UNC5B: variants seen among roughly 807,000 people sequenced by gnomAD.
UNC5B encodes netrin receptor UNC5B.
A neutral mutation model predicts 103.7 loss-of-function variants in UNC5B; 56 were observed. The ratio of observed to expected loss-of-function variants is 0.54; its 90% CI spans 0.44 to 0.67. The LOEUF (loss-of-function observed/expected upper bound fraction) is 0.67. Among genes scored for constraint, UNC5B ranks in the 30% least tolerant of loss-of-function variants. UNC5B has a pLI of 0.00. For missense variants in UNC5B, 1,194 were observed against 1,284.5 expected (o/e 0.93, Z 1.08); for synonymous variants, 577 against 542.0 (o/e 1.06, Z -0.90).
At chr10:71,229,537 G>A (rs575521228) in intron 1 of UNC5B, among the ~76,000 whole-genome samples, 3 of 152,314 alleles carry the variant, frequency 2.0e-5, no homozygotes, top group East Asian at 3.9e-4. Context: ...GAAAGGGGTC[G>A]CTGGAAGCGT....
chr10:71,245,260 A>T (rs545921769), intron 1 of UNC5B, among the ~76,000 whole-genome samples: 11 of 152,282 alleles, frequency 7.2e-5, no homozygotes, highest in African/African-American at 2.6e-4. Context: ...CATCACCTGG[A>T]AGCTTGTTAG....
At chr10:71,281,583 C>G (rs759627183) in intron 2 of UNC5B, among the ~76,000 whole-genome samples, 50 of 152,178 alleles carry the variant, frequency 3.3e-4, no homozygotes, top group Non-Finnish European at 6.5e-4. Flanking sequence ...CTCGTGATCC[C>G]CCGGCCTTGG....
chr10:71,243,992 G>A (rs1359852533), intron 1 of UNC5B, among the ~76,000 whole-genome samples: 3 of 152,244 alleles, frequency 2.0e-5, no homozygotes, highest in Non-Finnish European at 4.4e-5. Context: ...GTGTGTGGTA[G>A]TGCCAGGATC....
At chr10:71,236,843 C>T (rs748508546) in intron 1 of UNC5B, among the ~76,000 whole-genome samples, 1 of 152,230 alleles carries the variant, frequency 6.6e-6, no homozygotes, top group Non-Finnish European at 1.5e-5. Context: ...TTATCATTCC[C>T]TTCTCTGTGC....
rs1843271068 is a variant in UNC5B at position 71,213,571 on chromosome 10, T to C, written c.79+507T>C. Among the ~76,000 whole-genome samples, 1 of 152,036 alleles carries C rather than the reference T, an allele frequency of 6.6e-6. No individual in the cohort carries two copies. The highest frequency in any genetic ancestry group is 1.5e-5 in the Non-Finnish European group (1 of 68,002). On this transcript the variant is annotated intron_variant, in intron 1 of 16. Coordinates refer to ENST00000335350, the MANE Select transcript of UNC5B (RefSeq NM_170744.5). The surrounding 1 kb of genome is among the most constrained non-coding windows in gnomAD (Gnocchi z 4.1). ...AAGACCTGCTGAACACAGGAAGCGCTTCGGTAGCCTCGGCAGGCCGGCTTG... is the reference window on the plus strand; with the variant it reads ...AAGACCTGCTGAACACAGGAAGCGCCTCGGTAGCCTCGGCAGGCCGGCTTG...
chr10:71,247,213 G>A (rs945604225), intron 1 of UNC5B, among the ~76,000 whole-genome samples: 3 of 152,210 alleles, frequency 2.0e-5, no homozygotes, highest in Non-Finnish European at 4.4e-5. Context: ...GATAGTAAAG[G>A]CCTATCCCTG....
Position 71,299,469 on chromosome 10 carries a change from G to A in UNC5B, c.*192G>A, listed in dbSNP as rs1187471137. 6.2e-6 allele frequency: 4 copies of A among 641,880 alleles called. No homozygotes were observed. Among genetic ancestry groups the A allele is most frequent in the Non-Finnish European group, 1.0e-5 (4 of 384,596 alleles). The allele number at this position is 641,880 out of a possible 1,614,324, so 39.8% of individuals were successfully genotyped here. On this transcript the variant is annotated 3_prime_UTR_variant, in exon 17 of 17. Transcript: ENST00000335350. Reference sequence around the variant, plus strand: ...AATCCATGTACTCTGTTGTTAGAGGGCCCAGAGTTCCTTCTCCACCCCCGC... The same window carrying A: ...AATCCATGTACTCTGTTGTTAGAGGACCCAGAGTTCCTTCTCCACCCCCGC...
At chr10:71,286,641 T>C (rs1845090017) in intron 4 of UNC5B, 48 bp from the exon 5 acceptor site, 2 of 1,606,048 alleles carry the variant, frequency 1.2e-6, no homozygotes, top group South Asian at 1.1e-5. Context: ...CTGTTTATGA[T>C]CAAACCTGTC....
intron 1 of UNC5B, among the ~76,000 whole-genome samples, chr10:71,227,705 T>TAC (rs1457951155): frequency 0.011 from 1,369 of 120,644 alleles, 23 homozygotes; most frequent in African/African-American, 0.036. Flanking sequence ...TATACACACA[T>TAC]ATACACACAC....
intron 1 of UNC5B, among the ~76,000 whole-genome samples, chr10:71,262,273 AAGG>A (rs368164351): frequency 2.0e-5 from 3 of 151,916 alleles, no homozygotes; most frequent in Admixed American, 6.6e-5. Context: ...CGGAGCCTGG[AAGG>A]AGGACTCTAA....
At chr10:71,231,662 A>G (rs201553666) in intron 1 of UNC5B, among the ~76,000 whole-genome samples, 1 of 151,612 alleles carries the variant, frequency 6.6e-6, no homozygotes, top group South Asian at 2.1e-4. Flanking sequence ...TTTTTTTTTA[A>G]TGCACATGCC....
chr10:71,236,767 G>A (rs1042809340), intron 1 of UNC5B, among the ~76,000 whole-genome samples: 1 of 152,202 alleles, frequency 6.6e-6, no homozygotes, highest in African/African-American at 2.4e-5. Context: ...GAATGGATGG[G>A]GAGGTCCAGT....
At chr10:71,270,016 C>T (rs2132289676) in intron 1 of UNC5B, among the ~76,000 whole-genome samples, 1 of 152,174 alleles carries the variant, frequency 6.6e-6, no homozygotes, top group East Asian at 1.9e-4. Context: ...AAGGCATGTC[C>T]CAGGAAAACA....
chr10:71,287,634 C>T lies in UNC5B; in HGVS notation c.770C>T (p.Pro257Leu). Residue 257 changes from proline (P) to leucine (L), a missense_variant, in exon 6 of 17, where the codon CCC becomes CTC. Physicochemically the swap from Pro to Leu is moderately conservative, Grantham distance 98. Transcript: ENST00000335350. ...GGWSSWAEWS[P>L]CSNRCGRGWQ... ...TGGTCCAGCTGGGCAGAGTGGTCAC[C>T]CTGCTCCAACCGCTGTGGCCGAGGC... 1 of 1,611,120 alleles carries T rather than the reference C, an allele frequency of 6.2e-7. No individual in the cohort carries two copies. Among genetic ancestry groups the T allele is most frequent in the Non-Finnish European group, 8.5e-7 (1 of 1,178,920 alleles).
intron 1 of UNC5B, among the ~76,000 whole-genome samples, chr10:71,223,730 A>C (rs1589148876): frequency 7.3e-6 from 1 of 136,284 alleles, no homozygotes. Context: ...TTTCTTTCCT[A>C]CTTGTAGCCA....
chr10:71,301,904 C>T lies in UNC5B; in HGVS notation c.*2627C>T, dbSNP rs1391204746. ...TCTTTTCTGTCCTCCCCACCCCACCCTCAGAAGCTGCTTGCTCTGCCCCCA... is the reference window on the plus strand; with the variant it reads ...TCTTTTCTGTCCTCCCCACCCCACCTTCAGAAGCTGCTTGCTCTGCCCCCA... On this transcript the variant is annotated 3_prime_UTR_variant, in exon 17 of 17. Transcript: ENST00000335350. 3 of 152,270 alleles carry T rather than the reference C, an allele frequency of 2.0e-5. No individual in the cohort carries two copies. Among genetic ancestry groups the T allele is most frequent in the Non-Finnish European group, 4.4e-5 (3 of 68,082 alleles). The allele number at this position is 152,270 out of a possible 1,614,324, so 9.4% of individuals were successfully genotyped here. A position where few individuals can be genotyped will look rare whatever the true frequency, so the allele number is the denominator to read the frequency against.
intron 1 of UNC5B, among the ~76,000 whole-genome samples, chr10:71,269,392 C>A (rs1296204513): frequency 7.4e-6 from 1 of 135,136 alleles, no homozygotes; most frequent in Non-Finnish European, 1.6e-5. Context: ...CACAGTTTCT[C>A]TTTCTGGCTC....
chr10:71,234,669 C>T (rs918649241), intron 1 of UNC5B, among the ~76,000 whole-genome samples: 6 of 152,172 alleles, frequency 3.9e-5, no homozygotes, highest in African/African-American at 1.4e-4. Flanking sequence ...GTGCAAGAGG[C>T]GTGTGGGGTT....
chr10:71,253,015 A>G (rs1399207493), intron 1 of UNC5B, among the ~76,000 whole-genome samples: 1 of 152,186 alleles, frequency 6.6e-6, no homozygotes, highest in African/African-American at 2.4e-5. Context: ...TGTCCAGGAC[A>G]TTGGTCATTT....
Sources: allele counts gnomAD v4.1 joint callset (sites outside exome capture counted in the v4.1 genomes callset), GRCh38; gene constraint gnomAD v4.1.1; non-coding constraint Gnocchi (gnomAD v3.1); transcripts MANE v1.5; gene names NCBI Gene and HGNC (gene_info 2026-07-23, HGNC 2026-07-21).